The following RFPL1 variants were observed in gnomAD, a reference collection of about 807,000 sequenced individuals.
RFPL1 encodes ret finger protein like 1.
Under a neutral mutation model 9.6 loss-of-function variants are expected in RFPL1, and 6 were observed. That is an observed-to-expected ratio of 0.62 (90% CI 0.34 to 1.23). The LOEUF is 1.23. Ranked by LOEUF, RFPL1 falls within the 50% of genes most tolerant of loss-of-function variation. RFPL1 has a pLI of 0.03. For missense variants in RFPL1, 352 were observed against 398.4 expected, an observed-to-expected ratio of 0.88 and a Z score of 0.99; for synonymous variants, 145 against 149.4, an observed-to-expected ratio of 0.97 and a Z score of 0.22.
At chr22:29,415,824 A>C in the RFPL1 span, among the ~76,000 whole-genome samples, 10 of 152,220 alleles carry the variant, frequency 6.6e-5, no homozygotes, top group African/African-American at 2.4e-4. Context: ...GGGGTAAGCA[A>C]GGCAAGTATT....
At chr22:29,392,364 G>T in the RFPL1 span, among the ~76,000 whole-genome samples, 1 of 133,328 alleles carries the variant, frequency 7.5e-6, no homozygotes, top group Non-Finnish European at 1.6e-5. Flanking sequence ...ATAGGCATGA[G>T]CTACCACACC....
chr22:29,429,356 G>T, the RFPL1 span, among the ~76,000 whole-genome samples: 5 of 152,148 alleles, frequency 3.3e-5, no homozygotes, highest in Admixed American at 2.6e-4. Flanking sequence ...TCTCAGCCAA[G>T]AAGTTGATTT....
intron 1 of RFPL1, chr22:29,441,269 C>G (rs552000774): frequency 2.1e-6 from 1 of 465,180 alleles, no homozygotes; most frequent in East Asian, 3.5e-5. Context: ...CCTTCAGAGA[C>G]CCTCCACTCT....
At chr22:29,408,556 A>T in the RFPL1 span, among the ~76,000 whole-genome samples, 1 of 152,234 alleles carries the variant, frequency 6.6e-6, no homozygotes, top group Non-Finnish European at 1.5e-5. Context: ...GGAGAATATG[A>T]CATCAGATAT....
chr22:29,390,476 G>A, the RFPL1 span, among the ~76,000 whole-genome samples: 1 of 152,052 alleles, frequency 6.6e-6, no homozygotes, highest in East Asian at 1.9e-4. Context: ...CCTTCACCCA[G>A]CTTCCCACAA....
upstream of RFPL1, chr22:29,437,677 A>C: frequency 6.3e-7 from 1 of 1,588,546 alleles, no homozygotes; most frequent in South Asian, 1.2e-5. Context: ...TCCGCACAAG[A>C]CCTGAGCGCC....
At chr22:29,396,350 ACTCT>A in the RFPL1 span, among the ~76,000 whole-genome samples, 5 of 151,936 alleles carry the variant, frequency 3.3e-5, no homozygotes, top group Admixed American at 6.6e-5. Flanking sequence ...ACTCTCTCTC[ACTCT>A]CTCTCTTTCT....
chr22:29,416,797 A>T, the RFPL1 span, among the ~76,000 whole-genome samples: 2 of 152,216 alleles, frequency 1.3e-5, no homozygotes, highest in African/African-American at 4.8e-5. Context: ...TCCCCATTTC[A>T]GAGAATACTG....
chr22:29,421,778 G>C, the RFPL1 span, among the ~76,000 whole-genome samples: 2 of 150,894 alleles, frequency 1.3e-5, no homozygotes, highest in East Asian at 3.9e-4. Flanking sequence ...GCTCCACCCA[G>C]AGCTCTCCCA....
chr22:29,441,370 C>T, intron 1 of RFPL1, 172 bp from the exon 2 acceptor site: 1 of 707,806 alleles, frequency 1.4e-6, no homozygotes, highest in Non-Finnish European at 2.3e-6. Context: ...ACAAAGCATA[C>T]CTATGAGAAT....
the RFPL1 span, among the ~76,000 whole-genome samples, chr22:29,388,879 T>C: frequency 6.6e-6 from 1 of 152,054 alleles, no homozygotes; most frequent in Non-Finnish European, 1.5e-5. Flanking sequence ...ACTCATTTTT[T>C]GTTTGTTTGT....
chr22:29,418,037 TTC>T, the RFPL1 span, among the ~76,000 whole-genome samples: 2 of 149,418 alleles, frequency 1.3e-5, no homozygotes, highest in African/African-American at 2.5e-5. Flanking sequence ...GTTCCAGCAA[TTC>T]TCTGTCTCAG....
chr22:29,389,081 G>T, the RFPL1 span, among the ~76,000 whole-genome samples: 3 of 152,088 alleles, frequency 2.0e-5, no homozygotes, highest in African/African-American at 4.8e-5. Flanking sequence ...TGTAGAGAGA[G>T]TCTCACTTTA....
the RFPL1 span, among the ~76,000 whole-genome samples, chr22:29,420,006 A>G: frequency 6.6e-6 from 1 of 152,104 alleles, no homozygotes; most frequent in Non-Finnish European, 1.5e-5. Flanking sequence ...AGACCCTTAA[A>G]AGGCTCAGTG....
the RFPL1 span, among the ~76,000 whole-genome samples, chr22:29,399,646 A>G: frequency 1.3e-5 from 2 of 152,230 alleles, no homozygotes; most frequent in African/African-American, 4.8e-5. Flanking sequence ...CTTTTCAACT[A>G]AATGGAATCT....
chr22:29,424,833 A>ACC, the RFPL1 span, among the ~76,000 whole-genome samples: 1,837 of 39,026 alleles, frequency 0.047, 55 homozygotes, highest in South Asian at 0.076. Context: ...TGTCCCTCCC[A>ACC]CCCCCCCCCC....
the RFPL1 span, among the ~76,000 whole-genome samples, chr22:29,424,656 TAA>T: frequency 0.37 from 44,558 of 121,752 alleles, 7,841 homozygotes; most frequent in South Asian, 0.46. Flanking sequence ...AAGGACAAAG[TAA>T]AAAAAAAAAA....
At chr22:29,404,497 T>G in the RFPL1 span, among the ~76,000 whole-genome samples, 1,143 of 152,024 alleles carry the variant, frequency 7.5e-3, 12 homozygotes, top group African/African-American at 0.026. Flanking sequence ...CTGGTTCTAA[T>G]AAGTATAAAG....
chr22:29,396,787 AT>A, the RFPL1 span, among the ~76,000 whole-genome samples: 1 of 145,242 alleles, frequency 6.9e-6, no homozygotes, highest in African/African-American at 2.6e-5. Context: ...TAATTTTTGT[AT>A]TTTTTGTGGA....
Sources: allele counts gnomAD v4.1 joint callset (sites outside exome capture counted in the v4.1 genomes callset), GRCh38; gene constraint gnomAD v4.1.1; transcripts MANE v1.5; gene names NCBI Gene and HGNC (gene_info 2026-07-23, HGNC 2026-07-21).